TRHDE: variants seen among roughly 807,000 people sequenced by gnomAD.
TRHDE encodes thyrotropin releasing hormone degrading enzyme.
Under a neutral mutation model 125.7 loss-of-function variants are expected in TRHDE, and 72 were observed. The ratio of observed to expected loss-of-function variants is 0.57; its 90% CI spans 0.47 to 0.70. TRHDE has a LOEUF of 0.70. Among genes scored for constraint, TRHDE ranks in the 30% least tolerant of loss-of-function variants. The pLI, the probability that TRHDE is intolerant of heterozygous loss-of-function variation, is 0.00. For missense variants in TRHDE, 1,110 were observed against 1,327.1 expected (o/e 0.84, Z 2.54); for synonymous variants, 509 against 509.1 (o/e 1.00, Z 0.00).
At chr12:72,138,302 G>A (rs1812815289) in intron 2 of TRHDE, among the ~76,000 whole-genome samples, 1 of 152,036 alleles carries the variant, frequency 6.6e-6, no homozygotes, top group African/African-American at 2.4e-5. Flanking sequence ...TTGAACCTAG[G>A]AGGCGGAGGT....
At chr12:72,304,005 C>T (rs558952481) in intron 2 of TRHDE, among the ~76,000 whole-genome samples, 2 of 152,162 alleles carry the variant, frequency 1.3e-5, no homozygotes, top group African/African-American at 4.8e-5. Context: ...CTATCATTAT[C>T]CTTATTTTAT....
At chr12:72,267,227 T>C (rs1340382426) in intron 2 of TRHDE, among the ~76,000 whole-genome samples, 2 of 152,132 alleles carry the variant, frequency 1.3e-5, no homozygotes, top group Non-Finnish European at 2.9e-5. Flanking sequence ...ATTTCCATGA[T>C]CTATACTTTG....
chr12:72,410,345 T>C (rs901176073), intron 3 of TRHDE, among the ~76,000 whole-genome samples: 153 of 152,246 alleles, frequency 1.0e-3, no homozygotes, highest in African/African-American at 3.4e-3. Flanking sequence ...ATAATTTTTA[T>C]ACAGCTTCTT....
intron 11 of TRHDE, 43 bp downstream of exon 11, chr12:72,575,431 G>A: frequency 3.1e-6 from 5 of 1,613,240 alleles, no homozygotes; most frequent in Non-Finnish European, 4.2e-6. Flanking sequence ...TTTGGTATGT[G>A]AACACCTACC....
At chr12:72,205,382 ATAAACT>A (rs1270912673) in intron 2 of TRHDE, among the ~76,000 whole-genome samples, 1 of 151,788 alleles carries the variant, frequency 6.6e-6, no homozygotes, top group Non-Finnish European at 1.5e-5. Flanking sequence ...AACATATAAC[ATAAACT>A]TATTCTTTTA....
At chr12:72,616,048 A>C (rs1243437115) in intron 12 of TRHDE, among the ~76,000 whole-genome samples, 1 of 152,162 alleles carries the variant, frequency 6.6e-6, no homozygotes, top group Non-Finnish European at 1.5e-5. Flanking sequence ...AGTTCATTCA[A>C]AGAAGAAGAG....
chr12:72,183,192 T>G (rs1877129132), intron 2 of TRHDE, among the ~76,000 whole-genome samples: 1 of 152,206 alleles, frequency 6.6e-6, no homozygotes, highest in African/African-American at 2.4e-5. Flanking sequence ...TAACCTTTAC[T>G]AAAACTTTAT....
chr12:72,545,990 C>A (rs540456780), intron 7 of TRHDE, among the ~76,000 whole-genome samples: 1 of 151,700 alleles, frequency 6.6e-6, no homozygotes, highest in African/African-American at 2.4e-5. Context: ...GAGCCAACAT[C>A]CTCCTTGATG....
intron 12 of TRHDE, among the ~76,000 whole-genome samples, chr12:72,578,779 T>C (rs1015123425): frequency 1.3e-5 from 2 of 152,220 alleles, no homozygotes; most frequent in African/African-American, 4.8e-5. Flanking sequence ...AAACTTGCTC[T>C]AGTCATTCTT....
chr12:72,628,293 T>C (rs1171469761), intron 15 of TRHDE, among the ~76,000 whole-genome samples: 1 of 151,856 alleles, frequency 6.6e-6, no homozygotes, highest in African/African-American at 2.4e-5. Flanking sequence ...CAGTAAAAAG[T>C]TCACTTCCCT....
chr12:72,540,430 G>C (rs186579019), intron 6 of TRHDE, among the ~76,000 whole-genome samples: 2 of 151,748 alleles, frequency 1.3e-5, no homozygotes, highest in African/African-American at 4.8e-5. Context: ...AAGCATTCTT[G>C]TGTCATTAGA....
intron 3 of TRHDE, among the ~76,000 whole-genome samples, chr12:72,424,296 C>G (rs563408228): frequency 2.6e-5 from 4 of 152,200 alleles, no homozygotes; most frequent in African/African-American, 7.2e-5. Flanking sequence ...TCCTGTGTGT[C>G]TCTGTCTTTC....
At position 72,273,087 on chromosome 12, in the gene TRHDE, C is replaced by G. The variant is rs763671538; in HGVS notation, c.444C>G (p.Gly148=). ...PGSARRNHHA[G]GDSWQPEAGG... ...CGGCCCGGCGCAACCACCACGCAGG[C>G]GGGGACTCCTGGCAGCCCGAGGCGG... Residue 148 remains glycine (G), a synonymous_variant, in exon 1 of 19, where the codon GGC becomes GGG. Transcript: ENST00000261180. This position sits in a 1 kb window ranked among gnomAD's most constrained non-coding sequence, Gnocchi z 5.3. 1.3e-6 allele frequency: 2 copies of G among 1,524,390 alleles called. No individual in the cohort carries two copies. The highest frequency in any genetic ancestry group is 1.8e-6 in the Non-Finnish European group (2 of 1,138,110). The allele number at this position is 1,524,390 out of a possible 1,614,324, so 94.4% of individuals were successfully genotyped here.
chr12:72,409,390 A>G (rs879311858), intron 3 of TRHDE, among the ~76,000 whole-genome samples: 37 of 152,330 alleles, frequency 2.4e-4, no homozygotes, highest in Non-Finnish European at 4.9e-4. Context: ...GGTGGAGCAG[A>G]TCCTATTAAT....
At chr12:72,323,521 C>A (rs1869193736) in intron 2 of TRHDE, among the ~76,000 whole-genome samples, 1 of 152,102 alleles carries the variant, frequency 6.6e-6, no homozygotes, top group Admixed American at 6.6e-5. Flanking sequence ...GAAGGGGCTG[C>A]TTTTTCATGG....
At chr12:72,438,642 TGTTGA>T (rs752349447) in intron 3 of TRHDE, among the ~76,000 whole-genome samples, 5 of 151,878 alleles carry the variant, frequency 3.3e-5, no homozygotes, top group African/African-American at 9.7e-5. Context: ...TCAGATTATT[TGTTGA>T]GTTAAGTTCT....
chr12:72,149,140 T>A (rs1212709156), intron 2 of TRHDE, among the ~76,000 whole-genome samples: 2 of 152,186 alleles, frequency 1.3e-5, no homozygotes, highest in African/African-American at 4.8e-5. Context: ...CAGGGTTCTT[T>A]GAGTTTAGAT....
chr12:72,656,335 C>T (rs529447029), intron 17 of TRHDE, among the ~76,000 whole-genome samples: 4 of 151,982 alleles, frequency 2.6e-5, no homozygotes, highest in South Asian at 2.1e-4. Flanking sequence ...CATTTTGCCT[C>T]GGTTTCTAAG....
intron 12 of TRHDE, among the ~76,000 whole-genome samples, chr12:72,601,656 C>T (rs1872212325): frequency 1.3e-5 from 2 of 152,036 alleles, no homozygotes; most frequent in Admixed American, 6.6e-5. Flanking sequence ...CAGCAATCAC[C>T]ACTATTATTC....
Sources: allele counts gnomAD v4.1 joint callset (sites outside exome capture counted in the v4.1 genomes callset), GRCh38; gene constraint gnomAD v4.1.1; non-coding constraint Gnocchi (gnomAD v3.1); transcripts MANE v1.5; gene names NCBI Gene and HGNC (gene_info 2026-07-23, HGNC 2026-07-21).